Variants in SLCO1A2 observed in about 807,000 individuals in gnomAD.
The protein encoded by SLCO1A2 is solute carrier organic anion transporter family member 1A2, also known as OATP-1.
A neutral mutation model predicts 69.0 loss-of-function variants in SLCO1A2; 67 were observed. The ratio of observed to expected loss-of-function variants is 0.97; its 90% CI spans 0.80 to 1.19. The LOEUF is 1.19. Ranked by LOEUF, SLCO1A2 falls within the 50% of genes most tolerant of loss-of-function variation. The pLI, the probability that SLCO1A2 is intolerant of heterozygous loss-of-function variation, is 0.00. For missense variants in SLCO1A2, 787 were observed against 793.7 expected (o/e 0.99, Z 0.10); for synonymous variants, 260 against 265.9 (o/e 0.98, Z 0.22).
At chr12:21,323,024 G>A (rs1951833523) in intron 2 of SLCO1A2, among the ~76,000 whole-genome samples, 1 of 152,132 alleles carries the variant, frequency 6.6e-6, no homozygotes. Flanking sequence ...GGTACTTAGA[G>A]TCAAAAGACT....
chr12:21,293,078 G>A (rs892797850), intron 11 of SLCO1A2, among the ~76,000 whole-genome samples: 2 of 152,124 alleles, frequency 1.3e-5, no homozygotes, highest in African/African-American at 4.8e-5. Flanking sequence ...GCCAAGGCAG[G>A]CGGATCACAA....
At position 21,295,655 on chromosome 12, in the gene SLCO1A2, A is replaced by T. The variant is rs773180387; in HGVS notation, c.1213T>A (p.Ser405Thr). The T allele has an allele frequency of 1.9e-6, 3 of 1,606,644 alleles. No individual in the cohort carries two copies. Among genetic ancestry groups the T allele is most frequent in the Non-Finnish European group, 2.6e-6 (3 of 1,173,492 alleles). Residue 405 changes from serine to threonine, a missense_variant, in exon 10 of 15, where the codon TCT becomes ACT. Transcript: ENST00000683939. ...SLLEYLLYFL[S>T]FLMTCENSSV... The stretch of plus-strand genomic sequence containing the variant: ...GAATTTTCACAAGTCATGAGAAAAG[A>T]TAAAAAATAGAGAAGATACTCAAGT...
At chr12:21,364,656 T>G (rs572297350) in intron 2 of SLCO1A2, among the ~76,000 whole-genome samples, 1 of 152,150 alleles carries the variant, frequency 6.6e-6, no homozygotes, top group African/African-American at 2.4e-5. Context: ...CCCCAACATC[T>G]CAGCCCAAAA....
At chr12:21,328,877 G>A (rs1420982663) in intron 2 of SLCO1A2, among the ~76,000 whole-genome samples, 2 of 152,164 alleles carry the variant, frequency 1.3e-5, no homozygotes, top group Non-Finnish European at 2.9e-5. Flanking sequence ...CATATTCAAT[G>A]GGAGAATATC....
intron 11 of SLCO1A2, among the ~76,000 whole-genome samples, chr12:21,292,665 G>A (rs1445995015): frequency 6.6e-6 from 1 of 151,710 alleles, no homozygotes; most frequent in African/African-American, 2.4e-5. Context: ...GTGCGATCTC[G>A]GCTCACTACA....
chr12:21,347,742 TCATATAGAA>T (rs1307624155), intron 2 of SLCO1A2, among the ~76,000 whole-genome samples: 6 of 142,452 alleles, frequency 4.2e-5, no homozygotes, highest in Non-Finnish European at 7.8e-5. Context: ...GAAAACTGAA[TCATATAGAA>T]CAAATTTAAT....
At chr12:21,373,695 G>A in intron 2 of SLCO1A2, 1 of 701,654 alleles carries the variant, frequency 1.4e-6, no homozygotes. Context: ...GAACTTAGAG[G>A]GGCAAAGCCA....
At chr12:21,351,479 A>T (rs903361335) in intron 2 of SLCO1A2, among the ~76,000 whole-genome samples, 1 of 152,120 alleles carries the variant, frequency 6.6e-6, no homozygotes. Flanking sequence ...TATAAATACT[A>T]CTAGTAAAAT....
At chr12:21,375,312 A>C (rs1940109492) in intron 1 of SLCO1A2, among the ~76,000 whole-genome samples, 1 of 152,194 alleles carries the variant, frequency 6.6e-6, no homozygotes, top group Admixed American at 6.5e-5. Context: ...AGTATGTTTG[A>C]ACATTTGTTA....
intron 1 of SLCO1A2, among the ~76,000 whole-genome samples, chr12:21,389,339 T>C (rs763753950): frequency 2.0e-5 from 3 of 152,290 alleles, no homozygotes; most frequent in Non-Finnish European, 4.4e-5. Context: ...CTTAGAAATA[T>C]ATATTTAAAA....
At chr12:21,319,631 A>G (rs969568219) in intron 2 of SLCO1A2, 1 of 424,450 alleles carries the variant, frequency 2.4e-6, no homozygotes, top group African/African-American at 2.1e-5. Flanking sequence ...TTATTTTGGG[A>G]AGCTTTCCTG....
At position 21,266,030 on chromosome 12, in the gene SLCO1A2, G is replaced by A. The variant is rs971845157; in HGVS notation, c.*3518C>T. 6.6e-6 allele frequency: 1 copy of A among 152,084 alleles called. No homozygotes were observed. The highest frequency in any genetic ancestry group is 6.6e-5 in the Admixed American group (1 of 15,250). 9.4% of individuals were successfully genotyped at this position (152,084 alleles called of 1,614,324 possible). On this transcript the variant is annotated 3_prime_UTR_variant, in exon 15 of 15. Coordinates refer to ENST00000683939, the MANE Select transcript of SLCO1A2 (RefSeq NM_001386879.1). ...ATGTATGATTTATGCCAGGAGAAGT[G>A]GGATAGTACCCTTTTTGGAAGGGCT...
At chr12:21,274,766 A>C (rs1240525507) in intron 13 of SLCO1A2, 180 bp from the exon 14 acceptor site, 4 of 691,280 alleles carry the variant, frequency 5.8e-6, no homozygotes, top group Non-Finnish European at 8.9e-6. Context: ...AATTATTAAA[A>C]GATAAGTAAT....
At chr12:21,358,576 CATAT>C (rs1462242501) in intron 2 of SLCO1A2, among the ~76,000 whole-genome samples, 3 of 152,000 alleles carry the variant, frequency 2.0e-5, no homozygotes, top group Admixed American at 1.3e-4. Context: ...GTTCTATCAT[CATAT>C]ATAGATAATT....
chr12:21,371,524 C>G (rs865784220), intron 2 of SLCO1A2, among the ~76,000 whole-genome samples: 33 of 152,178 alleles, frequency 2.2e-4, no homozygotes, highest in Middle Eastern at 6.8e-3. Flanking sequence ...CAAACACCTT[C>G]AAACAATGTT....
intron 5 of SLCO1A2, among the ~76,000 whole-genome samples, chr12:21,306,136 A>C (rs1204665700): frequency 1.3e-5 from 2 of 152,226 alleles, no homozygotes; most frequent in Non-Finnish European, 2.9e-5. Context: ...AGTAATTCAG[A>C]ACTATAGCGT....
At chr12:21,334,471 A>C (rs928456116) in intron 2 of SLCO1A2, 117 bp downstream of exon 2, 1 of 686,800 alleles carries the variant, frequency 1.5e-6, no homozygotes, top group African/African-American at 1.9e-5. Flanking sequence ...TCAATAGAAC[A>C]GGCAATATGG....
rs375514778 is a variant in SLCO1A2 at position 21,305,488 on chromosome 12, A to G, written c.443-915T>C. ...CCATTATTTCCAGTCGGAAAATAAT[A>G]GTCTCTATTTCTAGGTATTCAGATT... On this transcript the variant is annotated intron_variant, in intron 5 of 14. Coordinates refer to ENST00000683939, the MANE Select transcript of SLCO1A2 (RefSeq NM_001386879.1). Among the ~76,000 whole-genome samples, 194 of 152,360 alleles carry G rather than the reference A, an allele frequency of 1.3e-3. 4 individuals are homozygous for G. In the South Asian group the frequency reaches 0.038, roughly 30 times the overall value.
intron 12 of SLCO1A2, among the ~76,000 whole-genome samples, chr12:21,285,136 A>G (rs764196526): frequency 6.9e-6 from 1 of 144,636 alleles, no homozygotes; most frequent in Non-Finnish European, 1.5e-5. Context: ...AAAAAGAGAG[A>G]AGAATCAAAT....
Sources: allele counts gnomAD v4.1 joint callset (sites outside exome capture counted in the v4.1 genomes callset), GRCh38; gene constraint gnomAD v4.1.1; transcripts MANE v1.5; gene names NCBI Gene and HGNC (gene_info 2026-07-23, HGNC 2026-07-21).